The following AK9 variants were observed in gnomAD, a reference collection of about 807,000 sequenced individuals.
AK9 encodes adenylate kinase domain containing 1.
Under a neutral mutation model 239.6 loss-of-function variants are expected in AK9, and 191 were observed. That is an observed-to-expected ratio of 0.80 (90% CI 0.71 to 0.90). The LOEUF (loss-of-function observed/expected upper bound fraction) is 0.90. AK9 is among the 40% of genes least tolerant of loss of function. AK9 has a pLI of 0.00. For synonymous variants in AK9, 689 were observed against 721.0 expected (o/e 0.96, Z 0.71); for missense variants, 1,995 against 2,214.7 (o/e 0.90, Z 1.99).
Position 109,573,590 on chromosome 6 carries a change from A to G in AK9, c.2196T>C (p.Ala732=), listed in dbSNP as rs1197670941. 6.5e-7 allele frequency: 1 copy of G among 1,533,748 alleles called. No individual in the cohort carries two copies. Among genetic ancestry groups the G allele is most frequent in the Non-Finnish European group, 8.8e-7 (1 of 1,141,440 alleles). Residue 732 remains alanine (A), a synonymous_variant, in exon 21 of 41, where the codon GCT becomes GCC. Transcript: ENST00000424296. ...CTTCATCCTCATTATCAGTCTCTTC[A>G]GCTTCTAAAAAAATTTGAAGAAATA... ...LELMKVKAKE[A]EETDNEDEEE... is the part of the protein sequence containing the mutation.
At position 109,630,130 on chromosome 6, in the gene AK9, A is replaced by G. The variant is rs188425088; in HGVS notation, c.1254+2793T>C. Reference sequence around the variant, plus strand: ...CTCTTTAAAGAAAATAATATATAACATACAAGATAATAGAGAGAAGTTTTA... The same window carrying G: ...CTCTTTAAAGAAAATAATATATAACGTACAAGATAATAGAGAGAAGTTTTA... On this transcript the variant is annotated intron_variant, in intron 12 of 40. Transcript: ENST00000424296. Among the ~76,000 whole-genome samples the G allele has an allele frequency of 3.7e-3, 561 of 152,334 alleles. 2 individuals carry two copies. The highest frequency in any genetic ancestry group is 6.0e-3 in the Non-Finnish European group (406 of 68,030).
Position 109,656,741 on chromosome 6 carries a change from A to G in AK9, c.759+15T>C, listed in dbSNP as rs757243398. ...AATATCAATATTCATTTTCAGCAAT[A>G]TATTTTGTTCTTACTTCTAAAGTTT... is the stretch of plus-strand genomic sequence containing the variant. On this transcript the variant is annotated intron_variant, in intron 8 of 40. Transcript: ENST00000424296. The G allele has an allele frequency of 2.6e-6, 4 of 1,561,240 alleles. No individual in the cohort carries two copies. The highest frequency in any genetic ancestry group is 2.3e-5 in the South Asian group (2 of 87,638).
chr6:109,570,093 T>C (rs1208787949), intron 21 of AK9, among the ~76,000 whole-genome samples: 1 of 152,184 alleles, frequency 6.6e-6, no homozygotes, highest in Non-Finnish European at 1.5e-5. Context: ...TGGAATACTA[T>C]GCAGCCATTA....
intron 17 of AK9, among the ~76,000 whole-genome samples, chr6:109,605,554 C>T (rs893680988): frequency 6.6e-6 from 1 of 152,018 alleles, no homozygotes; most frequent in African/African-American, 2.4e-5. Context: ...CAATTTATCC[C>T]ACATGATTCT....
intron 27 of AK9, among the ~76,000 whole-genome samples, chr6:109,537,956 T>C (rs1402369739): frequency 6.6e-6 from 1 of 152,244 alleles, no homozygotes; most frequent in Non-Finnish European, 1.5e-5. Flanking sequence ...TTGATTGCAC[T>C]GTAGTCTGAG....
chr6:109,497,971 A>G lies in AK9; in HGVS notation c.5047-6T>C. 6.2e-7 allele frequency: 1 copy of G among 1,611,968 alleles called. No individual in the cohort carries two copies. ...TCTGGGTTCTCCAAGAATTTCTATT[A>G]AAAAAGAATTCCAGTAGCAACATGA... On this transcript the variant is annotated splice_region_variant and splice_polypyrimidine_tract_variant and intron_variant, in intron 36 of 40. Coordinates refer to ENST00000424296, the MANE Select transcript of AK9 (RefSeq NM_001145128.3).
chr6:109,543,637 G>A (rs1185161029), intron 26 of AK9, among the ~76,000 whole-genome samples: 4 of 151,926 alleles, frequency 2.6e-5, no homozygotes, highest in East Asian at 4.0e-4. Context: ...TAGTAGAGAC[G>A]GGGTTTCACC....
chr6:109,572,130 T>G (rs1787487433), intron 21 of AK9, among the ~76,000 whole-genome samples: 1 of 152,194 alleles, frequency 6.6e-6, no homozygotes, highest in African/African-American at 2.4e-5. Context: ...TTTAAGAATT[T>G]GAGCAGATGA....
intron 38 of AK9, among the ~76,000 whole-genome samples, chr6:109,496,499 C>T (rs551885098): frequency 6.6e-6 from 1 of 152,308 alleles, no homozygotes; most frequent in East Asian, 1.9e-4. Flanking sequence ...TGACCTGTTA[C>T]ACCCTAAATC....
intron 1 of AK9, among the ~76,000 whole-genome samples, chr6:109,683,885 T>C (rs975644404): frequency 6.6e-5 from 10 of 152,188 alleles, no homozygotes; most frequent in African/African-American, 2.4e-4. Context: ...CTTCATGGAA[T>C]TGGGAAAAAC....
In AK9 at chr6:109,515,933, G is replaced by T. The variant is rs1338152736; in HGVS notation, c.3989C>A (p.Pro1330Gln). The change falls in exon 31 of 41, where the codon CCA (proline) becomes CAA (glutamine). Residue 1330 changes from proline (P) to glutamine (Q), a missense_variant. This residue lies in a region of AK9 where 1,290 missense variants were observed against 1,392.7 expected (regional missense o/e 0.93). Transcript: ENST00000424296. ...ASIFEKCHPI[P>Q]APLAQKMLTF... ...GAGCATTTTCTGGGCAAGGGGTGCTGGTATTGGATGACATTTCTCAAAAAT... is the reference window on the plus strand; with the variant it reads ...GAGCATTTTCTGGGCAAGGGGTGCTTGTATTGGATGACATTTCTCAAAAAT... 2 of 1,551,568 alleles carry T rather than the reference G, an allele frequency of 1.3e-6. No individual in the cohort carries two copies. The highest frequency in any genetic ancestry group is 2.0e-5 in the Admixed American group (1 of 50,986).
intron 10 of AK9, 53 bp from the exon 11 acceptor site, chr6:109,633,376 TAGG>T: frequency 6.6e-7 from 1 of 1,506,976 alleles, no homozygotes; most frequent in Non-Finnish European, 8.9e-7. Context: ...TTGCTGAAAT[TAGG>T]AGCATTAAAT....
rs73527099 is a variant in AK9 at position 109,655,874 on chromosome 6, A to G, written c.759+882T>C. 6.1e-3 allele frequency among the ~76,000 whole-genome samples: 927 copies of G among 152,292 alleles called. 14 individuals carry two copies. Among genetic ancestry groups the G allele is most frequent in the African/African-American group, 0.021 (882 of 41,554 alleles). On this transcript the variant is annotated intron_variant, in intron 8 of 40. Coordinates refer to ENST00000424296, the MANE Select transcript of AK9 (RefSeq NM_001145128.3). ...GCTACGTTTATAAGCCAGTGACAGG[A>G]GAGGTGGGGAGGAATAGAAGTCATA... is the stretch of plus-strand genomic sequence containing the variant.
At chr6:109,524,925 C>T (rs1374358666) in intron 29 of AK9, among the ~76,000 whole-genome samples, 1 of 152,082 alleles carries the variant, frequency 6.6e-6, no homozygotes, top group Non-Finnish European at 1.5e-5. Flanking sequence ...GTAATTCTAG[C>T]ATAACTACTA....
chr6:109,542,201 G>T, intron 26 of AK9, 30 bp from the exon 27 acceptor site: 1 of 1,560,504 alleles, frequency 6.4e-7, no homozygotes, highest in Non-Finnish European at 8.7e-7. Context: ...AACAAAACAA[G>T]TTTTAAAACT....
chr6:109,612,957 CAATT>C (rs1473013800), intron 15 of AK9, among the ~76,000 whole-genome samples: 2 of 148,368 alleles, frequency 1.3e-5, no homozygotes, highest in African/African-American at 4.9e-5. Context: ...TGTGTCCTTT[CAATT>C]ATTTATATAT....
intron 1 of AK9, among the ~76,000 whole-genome samples, chr6:109,683,838 G>C (rs1773046789): frequency 6.6e-6 from 1 of 152,164 alleles, no homozygotes; most frequent in African/African-American, 2.4e-5. Context: ...GTAATTTATA[G>C]ATTCAATGCT....
chr6:109,615,220 A>G (rs1448892962), intron 13 of AK9, among the ~76,000 whole-genome samples: 1 of 145,484 alleles, frequency 6.9e-6, no homozygotes, highest in African/African-American at 2.5e-5. Context: ...TGTCTGCCCC[A>G]TTACCATGTT....
intron 17 of AK9, among the ~76,000 whole-genome samples, chr6:109,602,755 G>A (rs1328058594): frequency 2.0e-5 from 3 of 152,116 alleles, no homozygotes; most frequent in Non-Finnish European, 4.4e-5. Context: ...ATATTTCTTG[G>A]AGGCTTTGTT....
Sources: allele counts gnomAD v4.1 joint callset (sites outside exome capture counted in the v4.1 genomes callset), GRCh38; gene constraint gnomAD v4.1.1; regional missense constraint gnomAD v4.1.1; transcripts MANE v1.5; gene names NCBI Gene and HGNC (gene_info 2026-07-23, HGNC 2026-07-21).